SCRIB: variants seen among roughly 807,000 people sequenced by gnomAD.
The protein encoded by SCRIB is protein scribble homolog.
Under a neutral mutation model 170.0 loss-of-function variants are expected in SCRIB, and 72 were observed. The observed-to-expected ratio is 0.42, with a 90% CI of 0.35 to 0.52. The LOEUF (loss-of-function observed/expected upper bound fraction) is 0.52. SCRIB is among the 20% of genes least tolerant of loss of function. SCRIB has a pLI of 0.02. For synonymous variants in SCRIB, 1,298 were observed against 1,044.3 expected (o/e 1.24, Z -4.68); for missense variants, 2,475 against 2,338.5 (o/e 1.06, Z -1.20).
chr8:143,795,393 G>C (rs1554633890), intron 25 of SCRIB, 27 bp downstream of exon 25: 2 of 1,612,596 alleles, frequency 1.2e-6, no homozygotes, highest in Non-Finnish European at 1.7e-6. Context: ...CCTGGCCCTG[G>C]GGCTGCCGGC....
chr8:143,812,799 A>C lies in SCRIB; in HGVS notation c.787+18T>G. 1 of 1,591,514 alleles carries C rather than the reference A, an allele frequency of 6.3e-7. No individual in the cohort carries two copies. ...CAGGCTCCGTGTGCCCCACCCAGGCACCCCCAGGCACACTAACCGATGCCG... is the reference window on the plus strand; with the variant it reads ...CAGGCTCCGTGTGCCCCACCCAGGCCCCCCCAGGCACACTAACCGATGCCG... On this transcript the variant is annotated intron_variant, in intron 8 of 36. Coordinates refer to ENST00000356994, the MANE Select transcript of SCRIB (RefSeq NM_182706.5).
At chr8:143,803,343 G>C in intron 24 of SCRIB, 40 bp downstream of exon 24, 1 of 1,503,194 alleles carries the variant, frequency 6.7e-7, no homozygotes, top group Non-Finnish European at 8.9e-7. Flanking sequence ...CCTTGGGCTG[G>C]GCCAGAGGGA....
In SCRIB at chr8:143,792,248, C is replaced by T. The variant is rs373490765; in HGVS notation, c.4486G>A (p.Glu1496Lys). 15 of 1,573,872 alleles carry T rather than the reference C, an allele frequency of 9.5e-6. No individual in the cohort carries two copies. The highest frequency in any genetic ancestry group is 8.1e-5 in the African/African-American group (6 of 74,224). Residue 1496 changes from glutamate to lysine, a missense_variant, in exon 32 of 37, where the codon GAG (glutamate) becomes AAG (lysine). Glu to Lys is a moderately conservative substitution (Grantham distance 56). Transcript: ENST00000356994. ...SPAELRALEA[E>K]KRALWRAARM... ...GCTGCCCTCCACAGCGCACGCTTCT[C>T]GGCCTCCAGGGCCCGGAGCTCGGCA... is the stretch of plus-strand genomic sequence containing the variant.
In SCRIB at chr8:143,808,601, A is replaced by T; in HGVS notation, c.2115+8T>A. 6.6e-7 allele frequency: 1 copy of T among 1,505,594 alleles called. No individual in the cohort carries two copies. Among genetic ancestry groups the T allele is most frequent in the Non-Finnish European group, 8.9e-7 (1 of 1,128,120 alleles). 93.3% of individuals were successfully genotyped at this position (1,505,594 alleles called of 1,614,324 possible). On this transcript the variant is annotated splice_region_variant and intron_variant, in intron 15 of 36. Transcript: ENST00000356994. ...TCTGGGTCAGGCAGGGGTGAGGCTG[A>T]CACCAACCTTGACAGAGGGCGCAGA...
rs782692355 is a variant in SCRIB, at chr8:143,804,674, G to T, written c.2903C>A (p.Ala968Asp). The change falls in exon 21 of 37, where the codon GCT (alanine) becomes GAT (aspartate). Residue 968 changes from alanine (A) to aspartate (D), a missense_variant. Physicochemically the swap from Ala to Asp is moderately radical, Grantham distance 126. This residue lies in a region of SCRIB where 1,966 missense variants were observed against 1,742.9 expected (regional missense o/e 1.13). Transcript: ENST00000356994. Reference protein sequence around the residue: ...PLPHSSPPTAAVATTSITTAT... With the variant: ...PLPHSSPPTADVATTSITTAT... The stretch of plus-strand genomic sequence containing the variant: ...AGTGGTTATGCTGGTGGTGGCAACA[G>T]CAGCGGTGGGGGGTGAGGAATGTGG... The T allele has an allele frequency of 6.4e-6, 10 of 1,553,992 alleles. No individual in the cohort carries two copies. The South Asian group carries it at 1.2e-4, about 19-fold the overall frequency.
At chr8:143,791,761 G>T in intron 34 of SCRIB, 21 bp from the exon 35 acceptor site, 1 of 1,583,166 alleles carries the variant, frequency 6.3e-7, no homozygotes, top group Non-Finnish European at 8.7e-7. Flanking sequence ...CAGCGTGAGG[G>T]GAGAGGCAGA....
intron 27 of SCRIB, 36 bp downstream of exon 27, chr8:143,795,002 G>A: frequency 6.3e-7 from 1 of 1,592,572 alleles, no homozygotes; most frequent in Non-Finnish European, 8.6e-7. Flanking sequence ...AGGACAACAG[G>A]ACGGAGGTGG....
At chr8:143,793,156 G>GCTGTCCCCCCGCCTGTCCCCCCGC (rs1220561965) in intron 28 of SCRIB, 73 bp from the exon 29 acceptor site, 2 of 839,422 alleles carry the variant, frequency 2.4e-6, no homozygotes, top group African/African-American at 3.6e-5. Context: ...CTCACCACCG[G>GCTGTCCCCCCGCCTGTCCCCCCGC]CTGTCCCCCC....
rs776979507 is a variant in SCRIB, at chr8:143,810,845, C to A, written c.1274-29G>T. ...CAGCAGGTGAGCGTCAGGACCCAGG[C>A]TAGTCCCCAAACCCTGCCTGAGAGC... On this transcript the variant is annotated intron_variant, in intron 11 of 36. Coordinates refer to ENST00000356994, the MANE Select transcript of SCRIB (RefSeq NM_182706.5). 7 of 1,604,946 alleles carry A rather than the reference C, an allele frequency of 4.4e-6. No individual in the cohort carries two copies. In the Admixed American group the frequency reaches 6.7e-5, roughly 15 times the overall value.
At chr8:143,796,834 C>A (rs1022234406) in intron 24 of SCRIB, among the ~76,000 whole-genome samples, 1 of 152,172 alleles carries the variant, frequency 6.6e-6, no homozygotes, top group Non-Finnish European at 1.5e-5. Context: ...AGCAAGGTCC[C>A]AGGTAGCCCG....
chr8:143,794,470 T>C (rs1814854171), intron 27 of SCRIB, among the ~76,000 whole-genome samples: 1 of 152,128 alleles, frequency 6.6e-6, no homozygotes, highest in Non-Finnish European at 1.5e-5. Context: ...CTGCCTCAGA[T>C]CCAGGCCCTG....
chr8:143,793,424 T>TG (rs1289892459), intron 28 of SCRIB: 1 of 217,620 alleles, frequency 4.6e-6, no homozygotes, highest in Non-Finnish European at 9.0e-6. Context: ...GAGAGGGGGG[T>TG]GGGAGAGACA....
intron 24 of SCRIB, among the ~76,000 whole-genome samples, chr8:143,799,944 C>T (rs1321522772): frequency 5.9e-5 from 9 of 152,052 alleles, no homozygotes; most frequent in African/African-American, 1.7e-4. Flanking sequence ...GTGGGCAAAC[C>T]GATGCCCACA....
Position 143,798,505 on chromosome 8 carries a change from G to A in SCRIB, c.3604-2975C>T, listed in dbSNP as rs199708354. On this transcript the variant is annotated intron_variant, in intron 24 of 36. Transcript: ENST00000356994. ...GTTTTTGTTTTTTAGAGTCTGTCTTGCTCAGGCTGGACTCAAATTCCTGGG... is the reference window on the plus strand; with the variant it reads ...GTTTTTGTTTTTTAGAGTCTGTCTTACTCAGGCTGGACTCAAATTCCTGGG... Among the ~76,000 whole-genome samples, 15 of 152,270 alleles carry A rather than the reference G, an allele frequency of 9.9e-5. No individual in the cohort carries two copies. In the East Asian group the frequency reaches 2.7e-3, roughly 27 times the overall value.
In SCRIB at chr8:143,813,543, G is replaced by C. The variant is rs763917299; in HGVS notation, c.447-17C>G. The stretch of plus-strand genomic sequence containing the variant: ...TTGGCGAGGCTGAAAGAGAGACCAG[G>C]CGCTGGGGCAAGAGGAAGGAAAGCA... On this transcript the variant is annotated splice_polypyrimidine_tract_variant and intron_variant, in intron 4 of 36. Transcript: ENST00000356994. 4 of 1,613,216 alleles carry C rather than the reference G, an allele frequency of 2.5e-6. No individual in the cohort carries two copies. Among genetic ancestry groups the C allele is most frequent in the Non-Finnish European group, 3.4e-6 (4 of 1,179,930 alleles).
At position 143,795,295 on chromosome 8, in the gene SCRIB, G is replaced by T; in HGVS notation, c.3753C>A (p.Pro1251=). 1.2e-6 allele frequency: 2 copies of T among 1,612,550 alleles called. No individual in the cohort carries two copies. The highest frequency in any genetic ancestry group is 1.7e-6 in the Non-Finnish European group (2 of 1,179,908). The change falls in exon 26 of 37, where the codon CCC becomes CCA. Residue 1251 remains proline (P), a synonymous_variant. Transcript: ENST00000356994. ...CACTCACTGCGGCTTCTGTGGCCTC[G>T]GGCCCCCAGTGCAGGGTCTGTCCAG... is the stretch of plus-strand genomic sequence containing the variant. ...ELPGQTLHWG[P]EATEAAGRGL... is the part of the protein sequence containing the mutation.
Position 143,805,152 on chromosome 8 carries a change from G to A in SCRIB, c.2630C>T (p.Ala877Val), listed in dbSNP as rs1554636169. Residue 877 changes from alanine (A) to valine (V), a missense_variant, in exon 19 of 37, where the codon GCT becomes GTT. Transcript: ENST00000356994. The stretch of plus-strand genomic sequence containing the variant: ...GTAGGGTGTGGAGCCTTTCCCACCA[G>A]CAATGCTGAAGCCCAGCCCCCTCTC... ...RSERGLGFSI[A>V]GGKGSTPYRA... 2.5e-6 allele frequency: 4 copies of A among 1,578,912 alleles called. No individual in the cohort carries two copies. Among genetic ancestry groups the A allele is most frequent in the Non-Finnish European group, 3.4e-6 (4 of 1,161,272 alleles).
Position 143,815,436 on chromosome 8 carries a change from G to T in SCRIB, c.-64C>A. 1.7e-6 allele frequency: 2 copies of T among 1,187,446 alleles called. No homozygotes were observed. Among genetic ancestry groups the T allele is most frequent in the Non-Finnish European group, 1.0e-6 (1 of 958,900 alleles). The allele number at this position is 1,187,446 out of a possible 1,614,324, so 73.6% of individuals were successfully genotyped here. ...GGCGGGCTCGGGGCCGGGGGGCGGG[G>T]CTCAGTCCGCATGGGCGCCGCGCAT... On this transcript the variant is annotated 5_prime_UTR_variant, in exon 1 of 37. Coordinates refer to ENST00000356994, the MANE Select transcript of SCRIB (RefSeq NM_182706.5).
At chr8:143,795,159 G>A (rs367853113) in intron 26 of SCRIB, 47 bp from the exon 27 acceptor site, 11 of 1,600,468 alleles carry the variant, frequency 6.9e-6, no homozygotes, top group Non-Finnish European at 9.4e-6. Context: ...CTCCGTGGCA[G>A]CACCCGGCCA....
Sources: allele counts gnomAD v4.1 joint callset (sites outside exome capture counted in the v4.1 genomes callset), GRCh38; gene constraint gnomAD v4.1.1; regional missense constraint gnomAD v4.1.1; transcripts MANE v1.5; gene names NCBI Gene and HGNC (gene_info 2026-07-23, HGNC 2026-07-21).